TBXAS1: variants seen among roughly 807,000 people sequenced by gnomAD.
TBXAS1 encodes the protein thromboxane A synthase 1, also known as thromboxane-A synthase.
In TBXAS1, 48 loss-of-function variants were observed where a neutral mutation model predicts 60.7. The ratio of observed to expected loss-of-function variants is 0.79; its 90% confidence interval spans 0.63 to 1.01. The LOEUF (loss-of-function observed/expected upper bound fraction) is 1.01. TBXAS1 is among the 50% of genes least tolerant of loss of function. The pLI, the probability that TBXAS1 is intolerant of heterozygous loss-of-function variation, is 0.00. For synonymous variants in TBXAS1, 287 were observed against 269.7 expected (o/e 1.06, Z -0.63); for missense variants, 685 against 686.3 (o/e 1.00, Z 0.02).
chr7:140,011,281 AAAAC>A (rs71831377), intron 10 of TBXAS1, among the ~76,000 whole-genome samples: 132,326 of 144,406 alleles, frequency 0.92, 60,377 homozygotes, highest in East Asian at 0.99. Flanking sequence ...TGTCTCAAAA[AAAAC>A]AAACAAACAA....
intron 9 of TBXAS1, among the ~76,000 whole-genome samples, chr7:140,001,021 G>T (rs1813635916): frequency 6.6e-6 from 1 of 152,170 alleles, no homozygotes; most frequent in Non-Finnish European, 1.5e-5. Flanking sequence ...CTGACGACTG[G>T]CCCAAGGCCA....
At chr7:139,990,080 C>T (rs1267008118) in intron 9 of TBXAS1, among the ~76,000 whole-genome samples, 1 of 152,202 alleles carries the variant, frequency 6.6e-6, no homozygotes, top group African/African-American at 2.4e-5. Context: ...TGAAATGACA[C>T]AAGTGAAACT....
At chr7:139,968,998 T>C (rs918911880) in intron 9 of TBXAS1, among the ~76,000 whole-genome samples, 9 of 152,242 alleles carry the variant, frequency 5.9e-5, no homozygotes, top group African/African-American at 2.2e-4. Context: ...AATTGTGTCT[T>C]CTATAGCTTT....
At chr7:139,955,648 C>T (rs1423923123) in intron 7 of TBXAS1, 41 bp downstream of exon 7, 1 of 1,611,762 alleles carries the variant, frequency 6.2e-7, no homozygotes, top group South Asian at 1.1e-5. Flanking sequence ...ATGACTCCAG[C>T]AAGTTGGGCA....
intron 3 of TBXAS1, among the ~76,000 whole-genome samples, chr7:139,905,057 T>TTCTTTCTTTCTTTC (rs1247644902): frequency 2.2e-4 from 24 of 107,492 alleles, no homozygotes; most frequent in South Asian, 6.5e-4. Context: ...CTTTCTTTCT[T>TTCTTTCTTTCTTTC]TCTCTCTCTC....
intron 12 of TBXAS1, among the ~76,000 whole-genome samples, chr7:140,019,714 T>C (rs974876855): frequency 2.6e-5 from 4 of 152,162 alleles, no homozygotes; most frequent in Non-Finnish European, 5.9e-5. Flanking sequence ...AAGCTGGACA[T>C]AGGAAAGCTT....
At chr7:139,937,066 C>T (rs571939781) in intron 5 of TBXAS1, among the ~76,000 whole-genome samples, 1 of 152,328 alleles carries the variant, frequency 6.6e-6, no homozygotes, top group African/African-American at 2.4e-5. Context: ...CACAACAGAT[C>T]CTGACTGCTG....
upstream of TBXAS1, among the ~76,000 whole-genome samples, chr7:139,825,121 G>A (rs550211771): frequency 3.8e-4 from 45 of 119,362 alleles, no homozygotes; most frequent in African/African-American, 1.5e-3. Flanking sequence ...GAGCCACTGC[G>A]CCCAGCCTGA....
At chr7:139,794,227 A>G (rs1272564788) in intron 4 of TBXAS1, among the ~76,000 whole-genome samples, 1 of 151,964 alleles carries the variant, frequency 6.6e-6, no homozygotes, top group African/African-American at 2.4e-5. Context: ...TCAGCTCCCA[A>G]GTAGCTAGGA....
intron 9 of TBXAS1, among the ~76,000 whole-genome samples, chr7:139,967,696 C>T (rs1380524355): frequency 6.6e-6 from 1 of 152,154 alleles, no homozygotes; most frequent in East Asian, 1.9e-4. Context: ...CTTACCCAAA[C>T]CACTGAGCTC....
At position 139,935,933 on chromosome 7, in the gene TBXAS1, TATG is replaced by T. The variant is rs374687778; in HGVS notation, c.334-250_334-248del. On this transcript the variant is annotated intron_variant, in intron 4 of 12. Coordinates refer to ENST00000448866, the MANE Select transcript of TBXAS1 (RefSeq NM_001061.7). ...CACACAGAAGCCATTGAGTTGTCTC[TATG>T]ATGATGACCACATCGCAGCAGGGTA... is the stretch of plus-strand genomic sequence containing the variant. 2.7e-4 allele frequency among the ~76,000 whole-genome samples: 41 copies of T among 152,346 alleles called. No homozygotes were observed. The South Asian group carries it at 7.9e-3, about 29-fold the overall frequency.
At chr7:139,814,386 AAC>A (rs1798097891) in intron 4 of TBXAS1, among the ~76,000 whole-genome samples, 1 of 152,184 alleles carries the variant, frequency 6.6e-6, no homozygotes, top group Admixed American at 6.5e-5. Context: ...TTGGGATGAA[AAC>A]AGTGTCAGGT....
At chr7:139,872,047 G>A (rs1801857946) in intron 1 of TBXAS1, among the ~76,000 whole-genome samples, 188 bp from the exon 2 acceptor site, 2 of 152,174 alleles carry the variant, frequency 1.3e-5, no homozygotes, top group Admixed American at 6.5e-5. Context: ...CTCAACAGGA[G>A]GTTGACTGGA....
rs373078638 is a variant in TBXAS1, at chr7:139,791,652, C to T, written c.-80+4226C>T. On this transcript the variant is annotated intron_variant, in intron 4 of 16. Coordinates refer to the TBXAS1 transcript ENST00000336425. ...TTTATAAAAAGAAATGTGAAAATCC[C>T]TAACTATAGTGCATGTCTTTGTATA... is the stretch of plus-strand genomic sequence containing the variant. 3.6e-4 allele frequency among the ~76,000 whole-genome samples: 55 copies of T among 152,286 alleles called. 1 individual carries two copies. The East Asian group carries it at 8.1e-3, about 22-fold the overall frequency.
At chr7:139,854,270 A>T (rs1190238563) in intron 1 of TBXAS1, among the ~76,000 whole-genome samples, 1 of 152,120 alleles carries the variant, frequency 6.6e-6, no homozygotes, top group Admixed American at 6.6e-5. Context: ...ACATGGCGTA[A>T]CTAGGAACGT....
chr7:139,858,735 C>T (rs1441237499), intron 1 of TBXAS1, among the ~76,000 whole-genome samples: 1 of 152,200 alleles, frequency 6.6e-6, no homozygotes, highest in Non-Finnish European at 1.5e-5. Context: ...ATGTCTTCCT[C>T]GGACCATCCT....
intron 1 of TBXAS1, among the ~76,000 whole-genome samples, chr7:139,849,384 AAAAAAC>A (rs1343958056): frequency 7.2e-6 from 1 of 138,356 alleles, no homozygotes; most frequent in African/African-American, 3.0e-5. Context: ...AAAAAAACAC[AAAAAAC>A]AAAAAACAAC....
chr7:139,861,653 G>T (rs1476350840), intron 1 of TBXAS1, among the ~76,000 whole-genome samples: 1 of 152,124 alleles, frequency 6.6e-6, no homozygotes, highest in Non-Finnish European at 1.5e-5. Context: ...ACCAAACATG[G>T]TATCATGAAT....
chr7:139,873,288 A>T (rs1028953237), intron 2 of TBXAS1, among the ~76,000 whole-genome samples: 17 of 152,194 alleles, frequency 1.1e-4, no homozygotes, highest in African/African-American at 4.1e-4. Context: ...GGGGCACTAG[A>T]TGCTTACAGG....
Sources: gnomAD v4.1 joint callset for allele counts (sites outside exome capture counted in the v4.1 genomes callset) on GRCh38, gnomAD v4.1.1 for gene constraint, MANE v1.5 for transcripts, NCBI Gene and HGNC (gene_info 2026-07-23, HGNC 2026-07-21) for gene names.